Variants in SYT2 observed in about 807,000 individuals in gnomAD.
SYT2 encodes the protein synaptotagmin-2.
In SYT2, 15 loss-of-function variants were observed where a neutral mutation model predicts 39.9. The ratio of observed to expected loss-of-function variants is 0.38; its 90% CI spans 0.25 to 0.58. The LOEUF is 0.58. SYT2 is among the 20% of genes least tolerant of loss of function. SYT2 has a pLI of 0.70. For missense variants in SYT2, 389 were observed against 530.3 expected (o/e 0.73, Z 2.62); for synonymous variants, 181 against 204.5 (o/e 0.89, Z 0.98).
At chr1:202,656,144 ACG>A (rs1328438732) in intron 1 of SYT2, among the ~76,000 whole-genome samples, 1 of 149,662 alleles carries the variant, frequency 6.7e-6, no homozygotes, top group Non-Finnish European at 1.5e-5. Context: ...ACACACACAC[ACG>A]TGCACATATG....
At chr1:202,597,640 G>A (rs1690343851) in intron 8 of SYT2, among the ~76,000 whole-genome samples, 1 of 152,166 alleles carries the variant, frequency 6.6e-6, no homozygotes, top group Admixed American at 6.5e-5. Context: ...GCAAGCAGTA[G>A]GGGACTCCTG....
At chr1:202,706,364 C>G (rs2102180586) in intron 1 of SYT2, among the ~76,000 whole-genome samples, 1 of 152,086 alleles carries the variant, frequency 6.6e-6, no homozygotes, top group Non-Finnish European at 1.5e-5. Flanking sequence ...GAACCCAAGA[C>G]AGTGTTGTGT....
intron 1 of SYT2, among the ~76,000 whole-genome samples, chr1:202,613,944 A>G (rs906819405): frequency 6.6e-6 from 1 of 152,208 alleles, no homozygotes; most frequent in African/African-American, 2.4e-5. Context: ...TGCCGTGAAA[A>G]TTTTAAAAAT....
At position 202,594,453 on chromosome 1, in the gene SYT2, G is replaced by A. The variant is rs979958998; in HGVS notation, c.*2304C>T. ...TTGACAAGGGGGTCTCCATGAGTGAGTCTGTGGGATATGGGTGAGAAGAGT... is the reference window on the plus strand; with the variant it reads ...TTGACAAGGGGGTCTCCATGAGTGAATCTGTGGGATATGGGTGAGAAGAGT... On this transcript the variant is annotated 3_prime_UTR_variant, in exon 9 of 9. Transcript: ENST00000367268. 3 of 152,242 alleles carry A rather than the reference G, an allele frequency of 2.0e-5. No individual in the cohort carries two copies. The highest frequency in any genetic ancestry group is 7.2e-5 in the African/African-American group (3 of 41,456). 9.4% of individuals were successfully genotyped at this position (152,242 alleles called of 1,614,324 possible). A position where few individuals can be genotyped will look rare whatever the true frequency, so the allele number is the denominator to read the frequency against.
intron 1 of SYT2, among the ~76,000 whole-genome samples, chr1:202,620,434 G>A (rs1691172319): frequency 6.6e-6 from 1 of 152,086 alleles, no homozygotes; most frequent in African/African-American, 2.4e-5. Flanking sequence ...GGGAGCAGGT[G>A]ACAACCTGGT....
At chr1:202,705,947 C>A (rs1654239083) in intron 1 of SYT2, among the ~76,000 whole-genome samples, 1 of 152,104 alleles carries the variant, frequency 6.6e-6, no homozygotes, top group Non-Finnish European at 1.5e-5. Context: ...TCTACCTCAG[C>A]CTCCCAAAGC....
At chr1:202,668,001 G>C (rs569574003) in intron 1 of SYT2, among the ~76,000 whole-genome samples, 1 of 152,292 alleles carries the variant, frequency 6.6e-6, no homozygotes, top group African/African-American at 2.4e-5. Flanking sequence ...GTGAGCCATC[G>C]CGCCCGGCCC....
At chr1:202,617,737 T>C (rs1691086716) in intron 1 of SYT2, among the ~76,000 whole-genome samples, 1 of 152,096 alleles carries the variant, frequency 6.6e-6, no homozygotes, top group African/African-American at 2.4e-5. Flanking sequence ...CTCATCCCCA[T>C]GGTACTCATG....
intron 1 of SYT2, among the ~76,000 whole-genome samples, chr1:202,707,871 G>T (rs940304121): frequency 1.9e-4 from 29 of 152,200 alleles, no homozygotes; most frequent in African/African-American, 7.0e-4. Context: ...CAAGGAAGAG[G>T]CTTCTCCAGC....
chr1:202,647,224 C>T (rs560970076), intron 1 of SYT2, among the ~76,000 whole-genome samples: 49 of 152,222 alleles, frequency 3.2e-4, no homozygotes, highest in Non-Finnish European at 2.6e-4. Flanking sequence ...AGTCCCTCCT[C>T]TACAGAAACG....
intron 1 of SYT2, chr1:202,630,429 C>T (rs1198645398): frequency 4.1e-6 from 4 of 982,892 alleles, no homozygotes; most frequent in Non-Finnish European, 4.8e-6. Flanking sequence ...AGGGCAAAGG[C>T]ACCTAGAACC....
At chr1:202,666,224 T>C (rs969937708) in intron 1 of SYT2, among the ~76,000 whole-genome samples, 1 of 151,798 alleles carries the variant, frequency 6.6e-6, no homozygotes, top group Non-Finnish European at 1.5e-5. Flanking sequence ...AAAGATTATC[T>C]AGTCCCTGGT....
chr1:202,602,037 C>T lies in SYT2; in HGVS notation c.654G>A (p.Gly218=), dbSNP rs1208778475. The change falls in exon 6 of 9, where the codon GGG becomes GGA. Residue 218 remains glycine (G), a synonymous_variant. Coordinates refer to ENST00000367268, the MANE Select transcript of SYT2 (RefSeq NM_177402.5). ...AGATGGCCATCACCAGAGTTTTGCC[C>T]CCAAGCTCCTGGTATGGCACCTGCA... ...FTFKVPYQEL[G]GKTLVMAIYD... 2 of 1,614,096 alleles carry T rather than the reference C, an allele frequency of 1.2e-6. No individual in the cohort carries two copies. Among genetic ancestry groups the T allele is most frequent in the Non-Finnish European group, 1.7e-6 (2 of 1,180,004 alleles).
intron 1 of SYT2, chr1:202,639,764 C>A: frequency 1.0e-6 from 1 of 985,454 alleles, no homozygotes; most frequent in Non-Finnish European, 1.2e-6. Flanking sequence ...ATGACGAAGA[C>A]TAGAGCATGC....
chr1:202,598,957 G>A (rs1690397202), intron 8 of SYT2, among the ~76,000 whole-genome samples: 1 of 152,166 alleles, frequency 6.6e-6, no homozygotes, highest in Non-Finnish European at 1.5e-5. Flanking sequence ...ATACATCTGT[G>A]TGCATGACCA....
chr1:202,687,932 T>C (rs561239396), intron 1 of SYT2, among the ~76,000 whole-genome samples: 3 of 151,674 alleles, frequency 2.0e-5, no homozygotes, highest in Admixed American at 6.6e-5. Context: ...GGAAAAAAAA[T>C]GTCTTTTCAC....
chr1:202,596,306 C>T lies in SYT2; in HGVS notation c.*451G>A, dbSNP rs12029661. The T allele has an allele frequency of 1.5e-3, 39 of 26,468 alleles. No homozygotes were observed. The highest frequency in any genetic ancestry group is 4.3e-3 in the East Asian group (3 of 696). The allele number at this position is 26,468 out of a possible 1,614,324, so 1.6% of individuals were successfully genotyped here. On this transcript the variant is annotated 3_prime_UTR_variant, in exon 9 of 9. Transcript: ENST00000367268. ...ACACACACACACACACACACACACA[C>T]ATACACACACACACACACACACACA...
intron 1 of SYT2, among the ~76,000 whole-genome samples, chr1:202,621,233 C>G (rs1286329507): frequency 6.6e-6 from 1 of 152,134 alleles, no homozygotes; most frequent in Non-Finnish European, 1.5e-5. Context: ...ACTTCAGAAC[C>G]CTGGAGCTGG....
At chr1:202,699,808 C>T (rs750940079) in intron 1 of SYT2, among the ~76,000 whole-genome samples, 7 of 151,782 alleles carry the variant, frequency 4.6e-5, no homozygotes, top group Non-Finnish European at 8.8e-5. Context: ...TGGGCTCTAC[C>T]GGCTGAGAGG....
Sources: gnomAD v4.1 joint callset for allele counts (sites outside exome capture counted in the v4.1 genomes callset) on GRCh38, gnomAD v4.1.1 for gene constraint, MANE v1.5 for transcripts, NCBI Gene and HGNC (gene_info 2026-07-23, HGNC 2026-07-21) for gene names.